The following VLDLR variants were observed in gnomAD, a reference collection of about 807,000 sequenced individuals.
VLDLR encodes very low density lipoprotein receptor.
In VLDLR, 81 loss-of-function variants were observed where a neutral mutation model predicts 112.7. That is an observed-to-expected ratio of 0.72 (90% confidence interval 0.60 to 0.86). The LOEUF is 0.86. Among genes scored for constraint, VLDLR ranks in the 40% least tolerant of loss-of-function variants. The probability of loss-of-function intolerance (pLI) is 0.00; values close to 1 mark genes in which losing one functional copy is unlikely to be tolerated. For synonymous variants in VLDLR, 436 were observed against 384.8 expected (o/e 1.13, Z -1.56); for missense variants, 1,237 against 1,099.4 (o/e 1.13, Z -1.77).
intron 7 of VLDLR, 125 bp downstream of exon 7, chr9:2,644,084 C>T: frequency 2.1e-6 from 3 of 1,397,524 alleles, no homozygotes; most frequent in Non-Finnish European, 3.0e-6. Flanking sequence ...CAATTGTAGA[C>T]TTCAGAGTGA....
intron 2 of VLDLR, among the ~76,000 whole-genome samples, chr9:2,638,212 T>A (rs1002550434): frequency 6.6e-5 from 10 of 152,320 alleles, no homozygotes; most frequent in Admixed American, 3.9e-4. Context: ...CCAGTCTTGT[T>A]TCCTTGGCTG....
chr9:2,645,505 G>A (rs1818028592), intron 9 of VLDLR, 69 bp from the exon 10 acceptor site: 2 of 1,562,042 alleles, frequency 1.3e-6, no homozygotes, highest in East Asian at 4.5e-5. Flanking sequence ...CCTCTGCTGG[G>A]AGGAGGTGGT....
chr9:2,643,096 G>A (rs1817893802), intron 4 of VLDLR, 64 bp from the exon 5 acceptor site: 1 of 1,596,798 alleles, frequency 6.3e-7, no homozygotes, highest in African/African-American at 1.3e-5. Flanking sequence ...TTAGATTTTG[G>A]GACAAGAATC....
intron 2 of VLDLR, among the ~76,000 whole-genome samples, chr9:2,636,764 T>G (rs1817613268): frequency 6.6e-6 from 1 of 152,236 alleles, no homozygotes; most frequent in Non-Finnish European, 1.5e-5. Context: ...GTTACCTAGG[T>G]AATTTAGTTC....
intron 2 of VLDLR, among the ~76,000 whole-genome samples, chr9:2,638,597 C>T (rs887097680): frequency 6.6e-6 from 1 of 152,184 alleles, no homozygotes. Flanking sequence ...TCATCCTGCT[C>T]CGTGATTCCT....
chr9:2,652,917 C>G lies in VLDLR; in HGVS notation c.2554C>G (p.His852Asp), dbSNP rs1218465462. The G allele has an allele frequency of 6.2e-7, 1 of 1,614,108 alleles. No individual in the cohort carries two copies. The highest frequency in any genetic ancestry group is 8.5e-7 in the Non-Finnish European group (1 of 1,179,994). The change falls in exon 18 of 19, where the codon CAC becomes GAC. Residue 852 changes from histidine to aspartate, a missense_variant. Physicochemically the swap from His to Asp is moderately conservative, Grantham distance 81 (BLOSUM62 -1). Coordinates refer to ENST00000382100, the MANE Select transcript of VLDLR (RefSeq NM_003383.5). ...GGACCTCTCCATAGACATTGGTAGA[C>G]ACAGTGCTTCTGTTGGACACACGTA... ...EEDLSIDIGRHSASVGHTYPA... is the reference protein window; with the variant it reads ...EEDLSIDIGRDSASVGHTYPA...
chr9:2,651,332 C>G lies in VLDLR; in HGVS notation c.2252-83C>G, dbSNP rs1421412329. ...TCTATTTTACCTGGTTTTAAAATAA[C>G]CTTTTACATGGCTTGTCTGGACAAA... On this transcript the variant is annotated intron_variant, in intron 15 of 18. Coordinates refer to ENST00000382100, the MANE Select transcript of VLDLR (RefSeq NM_003383.5). 2.5e-5 allele frequency: 30 copies of G among 1,202,272 alleles called. No homozygotes were observed. In the East Asian group the frequency reaches 7.1e-4, roughly 29 times the overall value. 74.5% of individuals were successfully genotyped at this position (1,202,272 alleles called of 1,614,324 possible). A position where few individuals can be genotyped will look rare whatever the true frequency, so the allele number is the denominator to read the frequency against.
intron 1 of VLDLR, among the ~76,000 whole-genome samples, chr9:2,633,932 T>C (rs1817482463): frequency 6.6e-6 from 1 of 152,136 alleles, no homozygotes; most frequent in African/African-American, 2.4e-5. Flanking sequence ...CTGACAACAA[T>C]CTCTACCCTC....
chr9:2,637,647 T>TA (rs1458164768), intron 2 of VLDLR, among the ~76,000 whole-genome samples: 2 of 152,144 alleles, frequency 1.3e-5, no homozygotes, highest in Non-Finnish European at 2.9e-5. Flanking sequence ...TTCTAAGACT[T>TA]AAAATCATGG....
rs1423757181 is a variant in VLDLR, at chr9:2,651,963, A to G, written c.2416+9A>G. On this transcript the variant is annotated intron_variant, in intron 17 of 18. Coordinates refer to ENST00000382100, the MANE Select transcript of VLDLR (RefSeq NM_003383.5). Reference sequence around the variant, plus strand: ...GGCCATTCTTCCTCTCTGTAAGTAGATTTCCTACAAGTCTGGGTTCAAGAA... The same window carrying G: ...GGCCATTCTTCCTCTCTGTAAGTAGGTTTCCTACAAGTCTGGGTTCAAGAA... 1 of 1,613,786 alleles carries G rather than the reference A, an allele frequency of 6.2e-7. No homozygotes were observed. Among genetic ancestry groups the G allele is most frequent in the East Asian group, 2.2e-5 (1 of 44,880 alleles).
Position 2,646,371 on chromosome 9 carries a change from A to G in VLDLR, c.1522A>G (p.Met508Val). The G allele has an allele frequency of 6.2e-7, 1 of 1,614,194 alleles. No homozygotes were observed. The highest frequency in any genetic ancestry group is 8.5e-7 in the Non-Finnish European group (1 of 1,180,020). Reference protein sequence around the residue: ...IDDKVGRHVKMIDNVYNPAAI... With the variant: ...IDDKVGRHVKVIDNVYNPAAI... ...TGACAAGGTTGGTAGACATGTTAAA[A>G]TGATCGACAATGTCTATAATCCTGC... The change falls in exon 11 of 19, where the codon ATG becomes GTG. Residue 508 changes from methionine (M) to valine (V), a missense_variant. By Grantham distance (21) the Met-to-Val change is conservative. Coordinates refer to ENST00000382100, the MANE Select transcript of VLDLR (RefSeq NM_003383.5).
intron 1 of VLDLR, among the ~76,000 whole-genome samples, chr9:2,628,864 A>G (rs1208136536): frequency 2.0e-5 from 3 of 152,198 alleles, no homozygotes. Context: ...ACATGTTACT[A>G]TCATGTGTAT....
rs146285748 is a variant in VLDLR, at chr9:2,643,695, G to A, written c.888G>A (p.Gln296=). The A allele has an allele frequency of 6.2e-7, 1 of 1,614,218 alleles. No individual in the cohort carries two copies. Among genetic ancestry groups the A allele is most frequent in the Non-Finnish European group, 8.5e-7 (1 of 1,180,040 alleles). ...GCAGCTGCATCCATGGCAGCAGGCA[G>A]TGTAATGGTATCCGAGACTGTGTCG... ...EDGSCIHGSR[Q]CNGIRDCVDG... Residue 296 remains glutamine (Q), a synonymous_variant, in exon 6 of 19, where the codon CAG becomes CAA. Transcript: ENST00000382100.
chr9:2,650,338 C>A (rs747049098), intron 14 of VLDLR, 32 bp from the exon 15 acceptor site: 3 of 1,613,102 alleles, frequency 1.9e-6, no homozygotes, highest in South Asian at 2.2e-5. Flanking sequence ...CACCGGAATA[C>A]CCATTTTAAT....
rs1191061468 is a variant in VLDLR at position 2,645,730 on chromosome 9, A to G, written c.1469A>G (p.Gln490Arg). 1 of 1,614,216 alleles carries G rather than the reference A, an allele frequency of 6.2e-7. No individual in the cohort carries two copies. Among genetic ancestry groups the G allele is most frequent in the Admixed American group, 1.7e-5 (1 of 60,028 alleles). ...AAACTATTCTGGGCCGATCTAAGCC[A>G]AAAGGCTATCTTCAGGTAACTTTCA... ...AQKLFWADLS[Q>R]KAIFSASIDD... is the part of the protein sequence containing the mutation. The change falls in exon 10 of 19, where the codon CAA becomes CGA. Residue 490 changes from glutamine to arginine, a missense_variant. Gln to Arg is a conservative substitution (Grantham distance 43). Transcript: ENST00000382100.
At chr9:2,642,834 C>G (rs1406753965) in intron 4 of VLDLR, among the ~76,000 whole-genome samples, 1 of 152,232 alleles carries the variant, frequency 6.6e-6, no homozygotes, top group Non-Finnish European at 1.5e-5. Context: ...AACTCAATCT[C>G]TGCCTTCCAA....
intron 16 of VLDLR, 40 bp downstream of exon 16, chr9:2,651,538 C>A: frequency 6.6e-7 from 1 of 1,516,046 alleles, no homozygotes; most frequent in Non-Finnish European, 9.2e-7. Context: ...TCTCAACTAA[C>A]AGCCACACTC....
chr9:2,644,919 T>C, intron 8 of VLDLR, 38 bp from the exon 9 acceptor site: 1 of 1,614,064 alleles, frequency 6.2e-7, no homozygotes, highest in Non-Finnish European at 8.5e-7. Flanking sequence ...CCTAGTAAGG[T>C]ATAGGAGCAG....
chr9:2,651,983 C>G (rs951320342), intron 17 of VLDLR, 29 bp downstream of exon 17: 1 of 1,609,756 alleles, frequency 6.2e-7, no homozygotes, highest in South Asian at 1.1e-5. Flanking sequence ...AGTCTGGGTT[C>G]AAGAACTTCT....
Sources: gnomAD v4.1 joint callset for allele counts (sites outside exome capture counted in the v4.1 genomes callset) on GRCh38, gnomAD v4.1.1 for gene constraint, MANE v1.5 for transcripts, NCBI Gene and HGNC (gene_info 2026-07-23, HGNC 2026-07-21) for gene names.